Variants in SNRNP48 observed in about 807,000 individuals in gnomAD.
SNRNP48 encodes the protein small nuclear ribonucleoprotein U11/U12 subunit 48, also known as U11/U12 small nuclear ribonucleoprotein 48 kDa protein.
In SNRNP48, 43 loss-of-function variants were observed where a neutral mutation model predicts 47.0. The observed-to-expected ratio is 0.92, with a 90% confidence interval of 0.72 to 1.18. The LOEUF is 1.18. Ranked by LOEUF, SNRNP48 falls within the 50% of genes most tolerant of loss-of-function variation. SNRNP48 has a pLI of 0.00. For missense variants in SNRNP48, 396 were observed against 422.2 expected (o/e 0.94, Z 0.54); for synonymous variants, 138 against 144.0 (o/e 0.96, Z 0.30).
chr6:7,605,622 CGTTGTCAGTGCCCAGG>C (rs1760112235), intron 7 of SNRNP48, 136 bp downstream of exon 7: 1 of 788,926 alleles, frequency 1.3e-6, no homozygotes, highest in African/African-American at 1.7e-5. Context: ...TTTTGTTTTT[CGTTGTCAGTGCCCAGG>C]GTTATTGTAC....
Position 7,590,233 on chromosome 6 carries a change from T to G in SNRNP48, c.-25T>G. 1 of 1,296,518 alleles carries G rather than the reference T, an allele frequency of 7.7e-7. No homozygotes were observed. The highest frequency in any genetic ancestry group is 9.9e-7 in the Non-Finnish European group (1 of 1,014,364). 80.3% of individuals were successfully genotyped at this position (1,296,518 alleles called of 1,614,324 possible). On this transcript the variant is annotated 5_prime_UTR_variant, in exon 1 of 9. Coordinates refer to ENST00000342415, the MANE Select transcript of SNRNP48 (RefSeq NM_152551.4). ...GCGTGCGGTCTGCAGTTCGGCCGCTTCCTCTTGGCGGGTGGGCTGCAGCTA... is the reference window on the plus strand; with the variant it reads ...GCGTGCGGTCTGCAGTTCGGCCGCTGCCTCTTGGCGGGTGGGCTGCAGCTA...
At position 7,609,734 on chromosome 6, in the gene SNRNP48, T is replaced by C. The variant is rs1760197494; in HGVS notation, c.*861T>C. ...ATGTTTCATTTAATTTAAAATATAC[T>C]GTCATGTTGTGTTTTGTAAATCAAC... On this transcript the variant is annotated 3_prime_UTR_variant, in exon 9 of 9. Transcript: ENST00000342415. 1.3e-5 allele frequency: 2 copies of C among 152,160 alleles called. No homozygotes were observed. The highest frequency in any genetic ancestry group is 4.8e-5 in the African/African-American group (2 of 41,428). The allele number at this position is 152,160 out of a possible 1,614,324, so 9.4% of individuals were successfully genotyped here. A position where few individuals can be genotyped will look rare whatever the true frequency, so the allele number is the denominator to read the frequency against.
chr6:7,590,273 C>T lies in SNRNP48; in HGVS notation c.16C>T (p.Pro6Ser), dbSNP rs960995526. The T allele has an allele frequency of 6.3e-5, 86 of 1,357,714 alleles. No individual in the cohort carries two copies. Among genetic ancestry groups the T allele is most frequent in the Non-Finnish European group, 8.0e-5 (84 of 1,044,016 alleles). The allele number at this position is 1,357,714 out of a possible 1,614,324, so 84.1% of individuals were successfully genotyped here. A position where few individuals can be genotyped will look rare whatever the true frequency, so the allele number is the denominator to read the frequency against. MEGEP[P>S]PVEERRRLQE... ...GGCTGCAGCTATGGAGGGCGAGCCTCCACCTGTGGAGGAGCGGCGGCGGCT... is the reference window on the plus strand; with the variant it reads ...GGCTGCAGCTATGGAGGGCGAGCCTTCACCTGTGGAGGAGCGGCGGCGGCT... The change falls in exon 1 of 9, where the codon CCA (proline) becomes TCA (serine). Residue 6 changes from proline (P) to serine (S), a missense_variant. By Grantham distance (74) the Pro-to-Ser change is moderately conservative. Coordinates refer to ENST00000342415, the MANE Select transcript of SNRNP48 (RefSeq NM_152551.4).
rs1334857180 is a variant in SNRNP48, at chr6:7,605,499, C to T, written c.806+13C>T. 1 of 1,606,662 alleles carries T rather than the reference C, an allele frequency of 6.2e-7. No individual in the cohort carries two copies. The highest frequency in any genetic ancestry group is 8.5e-7 in the Non-Finnish European group (1 of 1,174,032). ...ATGATGCCGAAAAGTACGTCATTAT[C>T]TTTATTGGTGAAAATACTCTCTCTT... is the stretch of plus-strand genomic sequence containing the variant. On this transcript the variant is annotated intron_variant, in intron 7 of 8. Transcript: ENST00000342415.
rs1183832485 is a variant in SNRNP48, at chr6:7,601,396, T to C, written c.467T>C (p.Leu156Pro). ...PLNHKRFVCD[L>P]TQADRLALYD... ...AATCACAAACGGTTTGTTTGTGATC[T>C]AACTCAAGCTGATCGTCTTGCCCTC... Residue 156 changes from leucine to proline, a missense_variant, in exon 5 of 9, where the codon CTA (leucine) becomes CCA (proline). By Grantham distance (98) the Leu-to-Pro change is moderately conservative. Transcript: ENST00000342415. 1 of 1,592,154 alleles carries C rather than the reference T, an allele frequency of 6.3e-7. No individual in the cohort carries two copies. Among genetic ancestry groups the C allele is most frequent in the Non-Finnish European group, 8.5e-7 (1 of 1,175,102 alleles).
In SNRNP48 at chr6:7,602,190, A is replaced by C. The variant is rs570201326; in HGVS notation, c.596-433A>C. 7.2e-5 allele frequency among the ~76,000 whole-genome samples: 11 copies of C among 152,278 alleles called. No individual in the cohort carries two copies. The South Asian group carries it at 2.1e-3, about 29-fold the overall frequency. On this transcript the variant is annotated intron_variant, in intron 5 of 8. Coordinates refer to ENST00000342415, the MANE Select transcript of SNRNP48 (RefSeq NM_152551.4). ...TGAAAGTAATTTAGAGATGACTTCA[A>C]GTGTACTGGAGGGTGTGTGTAGGTT...
chr6:7,594,501 G>T (rs1759870134), intron 3 of SNRNP48, among the ~76,000 whole-genome samples: 1 of 152,086 alleles, frequency 6.6e-6, no homozygotes, highest in African/African-American at 2.4e-5. Flanking sequence ...ATATATAGAG[G>T]TTAAAGTCTT....
chr6:7,608,714 A>G, intron 8 of SNRNP48, 111 bp from the exon 9 acceptor site: 1 of 465,782 alleles, frequency 2.1e-6, no homozygotes, highest in Non-Finnish European at 3.7e-6. Context: ...ATAGAATGTT[A>G]AAGTAGCATA....
Position 7,609,521 on chromosome 6 carries a change from GC to G in SNRNP48, c.*649del, listed in dbSNP as rs894864881. The G allele has an allele frequency of 2.4e-4, 36 of 152,256 alleles. No homozygotes were observed. The East Asian group carries it at 4.1e-3, about 17-fold the overall frequency. 9.4% of individuals were successfully genotyped at this position (152,256 alleles called of 1,614,324 possible). ...ATATATATGTACAAAACAATACTAT[GC>G]ATTCTCTATGGCTATATAATGTACG... On this transcript the variant is annotated 3_prime_UTR_variant, in exon 9 of 9. Coordinates refer to ENST00000342415, the MANE Select transcript of SNRNP48 (RefSeq NM_152551.4).
At chr6:7,606,302 T>C in intron 8 of SNRNP48, 107 bp downstream of exon 8, 1 of 1,147,976 alleles carries the variant, frequency 8.7e-7, no homozygotes. Context: ...AAGAATAAGC[T>C]AAAGTAAGGA....
chr6:7,601,459 C>A lies in SNRNP48; in HGVS notation c.530C>A (p.Ser177Tyr). ...FVVEETKKKRSDSQIIENDSD... is the reference protein window; with the variant it reads ...FVVEETKKKRYDSQIIENDSD... ...GTTGAGGAGACAAAGAAAAAGCGCT[C>A]TGATTCTCAAATTATTGAAAATGAC... The change falls in exon 5 of 9, where the codon TCT (serine) becomes TAT (tyrosine). Residue 177 changes from serine to tyrosine, a missense_variant. By Grantham distance (144) the Ser-to-Tyr change is moderately radical. Transcript: ENST00000342415. 6.2e-7 allele frequency: 1 copy of A among 1,602,266 alleles called. No homozygotes were observed. Among genetic ancestry groups the A allele is most frequent in the Non-Finnish European group, 8.5e-7 (1 of 1,177,546 alleles).
Position 7,610,957 on chromosome 6 carries a change from C to T in SNRNP48, c.*2084C>T, listed in dbSNP as rs2113727395. 3 of 152,366 alleles carry T rather than the reference C, an allele frequency of 2.0e-5. No homozygotes were observed. The highest frequency in any genetic ancestry group is 3.4e-3 in the Middle Eastern group (1 of 294). The allele number at this position is 152,366 out of a possible 1,614,324, so 9.4% of individuals were successfully genotyped here. A position where few individuals can be genotyped will look rare whatever the true frequency, so the allele number is the denominator to read the frequency against. ...TTTTAAATTTTGACAAAAGCATTTT[C>T]ACAGCCCTGCCACATAAGATCTAGT... is the stretch of plus-strand genomic sequence containing the variant. On this transcript the variant is annotated 3_prime_UTR_variant, in exon 9 of 9. Coordinates refer to ENST00000342415, the MANE Select transcript of SNRNP48 (RefSeq NM_152551.4).
intron 2 of SNRNP48, 123 bp downstream of exon 2, chr6:7,593,970 G>A: frequency 1.0e-6 from 1 of 978,096 alleles, no homozygotes; most frequent in East Asian, 2.7e-5. Flanking sequence ...TTGAAGGGTT[G>A]GTTGGTACTT....
At position 7,605,499 on chromosome 6, in the gene SNRNP48, CT is replaced by C. The variant is rs772781092; in HGVS notation, c.806+16del. 1 of 1,606,780 alleles carries C rather than the reference CT, an allele frequency of 6.2e-7. No homozygotes were observed. Among genetic ancestry groups the C allele is most frequent in the East Asian group, 2.2e-5 (1 of 44,844 alleles). The stretch of plus-strand genomic sequence containing the variant: ...ATGATGCCGAAAAGTACGTCATTAT[CT>C]TTATTGGTGAAAATACTCTCTCTTT... On this transcript the variant is annotated intron_variant, in intron 7 of 8. Transcript: ENST00000342415.
chr6:7,603,152 T>G (rs936114262), intron 6 of SNRNP48, among the ~76,000 whole-genome samples: 2 of 152,204 alleles, frequency 1.3e-5, no homozygotes, highest in Non-Finnish European at 2.9e-5. Flanking sequence ...AGGGTTGTTA[T>G]GAGAATTGAC....
At position 7,603,445 on chromosome 6, in the gene SNRNP48, C is replaced by T. The variant is rs577111761; in HGVS notation, c.717+701C>T. Among the ~76,000 whole-genome samples the T allele has an allele frequency of 1.1e-4, 16 of 152,246 alleles. No homozygotes were observed. The East Asian group carries it at 3.1e-3, about 29-fold the overall frequency. ...CTAATTGTTCCCGTATTATTTCTTA[C>T]TTCTCTCTGATTTAAAAGACCTTCC... On this transcript the variant is annotated intron_variant, in intron 6 of 8. Transcript: ENST00000342415.
At chr6:7,605,600 C>T (rs906592231) in intron 7 of SNRNP48, 114 bp downstream of exon 7, 4 of 932,842 alleles carry the variant, frequency 4.3e-6, no homozygotes, top group Middle Eastern at 2.4e-4. Context: ...ACAGTAAACT[C>T]GTGAAAATGC....
At chr6:7,595,004 A>G (rs370292515) in intron 3 of SNRNP48, 23 bp from the exon 4 acceptor site, 15 of 1,508,592 alleles carry the variant, frequency 9.9e-6, no homozygotes, top group Middle Eastern at 3.5e-4. Flanking sequence ...TATTGTATTT[A>G]TGGATTTTTT....
intron 8 of SNRNP48, among the ~76,000 whole-genome samples, chr6:7,607,902 A>G (rs1056088588): frequency 1.9e-4 from 29 of 152,214 alleles, no homozygotes; most frequent in Non-Finnish European, 4.4e-5. Flanking sequence ...CCTATGACTT[A>G]GTCCTTTTCT....
Sources: allele counts gnomAD v4.1 joint callset (sites outside exome capture counted in the v4.1 genomes callset), GRCh38; gene constraint gnomAD v4.1.1; transcripts MANE v1.5; gene names NCBI Gene and HGNC (gene_info 2026-07-23, HGNC 2026-07-21).